Variants in STK24 observed in about 807,000 individuals in gnomAD.
STK24 encodes the protein serine/threonine kinase 24.
In STK24, 21 loss-of-function variants were observed where a neutral mutation model predicts 55.6. The observed-to-expected ratio is 0.38, with a 90% CI of 0.27 to 0.54. The LOEUF (loss-of-function observed/expected upper bound fraction) is 0.54. Ranked by LOEUF, STK24 falls within the 20% of genes least tolerant of loss-of-function variation. STK24 has a pLI of 0.79. For synonymous variants in STK24, 200 were observed against 215.2 expected, an observed-to-expected ratio of 0.93 and a Z score of 0.62; for missense variants, 383 against 538.4, an observed-to-expected ratio of 0.71 and a Z score of 2.86.
chr13:98,463,923 C>A, intron 6 of STK24, 87 bp from the exon 7 acceptor site: 6 of 1,457,696 alleles, frequency 4.1e-6, no homozygotes, highest in Non-Finnish European at 4.7e-6. Context: ...AAATGTCAAC[C>A]GCCACACTGA....
At chr13:98,543,571 C>T (rs1342485427) in intron 1 of STK24, among the ~76,000 whole-genome samples, 1 of 152,154 alleles carries the variant, frequency 6.6e-6, no homozygotes, top group Non-Finnish European at 1.5e-5. Flanking sequence ...GGCGCGGACC[C>T]GAAGACGCGG....
chr13:98,507,425 G>C (rs1448255298), intron 2 of STK24, among the ~76,000 whole-genome samples: 1 of 152,184 alleles, frequency 6.6e-6, no homozygotes, highest in Non-Finnish European at 1.5e-5. Context: ...CCTGGAATCT[G>C]AGTATTTGTC....
At chr13:98,537,644 C>T (rs1045279161) in intron 1 of STK24, among the ~76,000 whole-genome samples, 1 of 152,130 alleles carries the variant, frequency 6.6e-6, no homozygotes, top group African/African-American at 2.4e-5. Flanking sequence ...GACGTGCACC[C>T]GTAAGTACAG....
intron 1 of STK24, among the ~76,000 whole-genome samples, chr13:98,538,289 G>A (rs764792348): frequency 6.0e-5 from 8 of 132,700 alleles, no homozygotes; most frequent in Non-Finnish European, 1.2e-4. Context: ...ACGGTGGCAT[G>A]ATCTCGATCA....
chr13:98,527,664 A>C (rs898763132), intron 1 of STK24, among the ~76,000 whole-genome samples: 2 of 152,166 alleles, frequency 1.3e-5, no homozygotes, highest in African/African-American at 4.8e-5. Context: ...CCCCGCAGGC[A>C]AACCTGAGCG....
chr13:98,553,972 G>A (rs1191384804), intron 1 of STK24, among the ~76,000 whole-genome samples: 2 of 151,428 alleles, frequency 1.3e-5, no homozygotes, highest in East Asian at 1.9e-4. Flanking sequence ...TGAGGCAGGA[G>A]AACTGCTTGA....
chr13:98,527,828 A>G (rs1739214412), intron 1 of STK24, among the ~76,000 whole-genome samples: 1 of 152,194 alleles, frequency 6.6e-6, no homozygotes. Context: ...CACCGTCGAA[A>G]ATCCCAAAAC....
chr13:98,476,429 G>C, intron 3 of STK24, among the ~76,000 whole-genome samples: 1 of 152,182 alleles, frequency 6.6e-6, no homozygotes, highest in Non-Finnish European at 1.5e-5. Flanking sequence ...ACTTGACAGT[G>C]AATGTCTTCA....
At chr13:98,479,324 C>A (rs116820490) in intron 3 of STK24, among the ~76,000 whole-genome samples, 2 of 152,198 alleles carry the variant, frequency 1.3e-5, no homozygotes, top group East Asian at 3.8e-4. Context: ...TGAGCACACA[C>A]TCAAATATGT....
chr13:98,487,021 T>C lies in STK24; in HGVS notation c.274-4700A>G, dbSNP rs550873909. ...CAAAGTGCTATCAGCTTTATCAACA[T>C]CATCACCCAGAAATGCCTCTGAATA... On this transcript the variant is annotated intron_variant, in intron 2 of 10. Transcript: ENST00000539966. 1.1e-4 allele frequency among the ~76,000 whole-genome samples: 16 copies of C among 152,312 alleles called. No individual in the cohort carries two copies. In the East Asian group the frequency reaches 2.9e-3, roughly 28 times the overall value.
chr13:98,460,656 G>C (rs1014621658), intron 8 of STK24, among the ~76,000 whole-genome samples: 10 of 152,112 alleles, frequency 6.6e-5, no homozygotes, highest in African/African-American at 2.2e-4. Context: ...CAAAACCCAC[G>C]CACCGGGGAA....
intron 3 of STK24, among the ~76,000 whole-genome samples, chr13:98,477,235 G>A (rs1894412548): frequency 6.6e-6 from 1 of 152,240 alleles, no homozygotes; most frequent in East Asian, 1.9e-4. Context: ...TTCATAGAAT[G>A]TAGAAATTTT....
chr13:98,521,999 G>A, intron 1 of STK24: 1 of 1,436,142 alleles, frequency 7.0e-7, no homozygotes, highest in Non-Finnish European at 9.2e-7. Context: ...CTAACCCAAA[G>A]CCCTCCTCCT....
At chr13:98,547,121 C>G (rs1002920086) in intron 1 of STK24, among the ~76,000 whole-genome samples, 17 of 152,254 alleles carry the variant, frequency 1.1e-4, no homozygotes, top group African/African-American at 3.9e-4. Context: ...ACCATGTTAG[C>G]CAGGATGGTC....
intron 10 of STK24, chr13:98,454,699 A>G (rs1167507339): frequency 6.6e-6 from 1 of 152,202 alleles, no homozygotes; most frequent in African/African-American, 2.4e-5. Flanking sequence ...GTTTGGAGCA[A>G]AACTGGCAGG....
chr13:98,499,170 G>A lies in STK24; in HGVS notation c.274-16849C>T, dbSNP rs145230292. Among the ~76,000 whole-genome samples, 1,410 of 152,138 alleles carry A rather than the reference G, an allele frequency of 9.3e-3. 19 individuals are homozygous for A. The highest frequency in any genetic ancestry group is 0.03 in the African/African-American group (1,266 of 41,512). ...GCAGAATCACTTGAACCCAGGAGGC[G>A]GACGTTGCAGGGAGCCGAGATTTTA... is the stretch of plus-strand genomic sequence containing the variant. On this transcript the variant is annotated intron_variant, in intron 2 of 10. Transcript: ENST00000539966.
intron 1 of STK24, among the ~76,000 whole-genome samples, chr13:98,551,437 G>A (rs1454038395): frequency 6.6e-6 from 1 of 151,216 alleles, no homozygotes; most frequent in Non-Finnish European, 1.5e-5. Context: ...TGGAACCCCC[G>A]TCATACTTTC....
Position 98,446,599 on chromosome 13 carries a change from G to C in STK24, c.*6574C>G. ...CTCCCAAGTCCCTGTCTGATGCGGGGCAGCAGCCAGGCCCAGCAGCAGAAG... is the reference window on the plus strand; with the variant it reads ...CTCCCAAGTCCCTGTCTGATGCGGGCCAGCAGCCAGGCCCAGCAGCAGAAG... On this transcript the variant is annotated 3_prime_UTR_variant, in exon 11 of 11. Transcript: ENST00000539966. 6.5e-7 allele frequency: 1 copy of C among 1,546,476 alleles called. No homozygotes were observed. The highest frequency in any genetic ancestry group is 8.9e-7 in the Non-Finnish European group (1 of 1,126,234).
chr13:98,557,469 G>A (rs868686859), intron 1 of STK24, among the ~76,000 whole-genome samples: 1 of 151,990 alleles, frequency 6.6e-6, no homozygotes, highest in East Asian at 1.9e-4. Flanking sequence ...AGCCTGCCCC[G>A]CTCACCCCCA....
Sources: allele counts gnomAD v4.1 joint callset (sites outside exome capture counted in the v4.1 genomes callset), GRCh38; gene constraint gnomAD v4.1.1; transcripts MANE v1.5; gene names NCBI Gene and HGNC (gene_info 2026-07-23, HGNC 2026-07-21).